The following ME1 variants were observed in gnomAD, a reference collection of about 807,000 sequenced individuals.
ME1 encodes the protein malic enzyme 1.
In ME1, 74 loss-of-function variants were observed where a neutral mutation model predicts 66.4. The ratio of observed to expected loss-of-function variants is 1.11; its 90% confidence interval spans 0.92 to 1.35. ME1 has a LOEUF of 1.35. ME1 is among the 40% of genes most tolerant of loss of function. ME1 has a pLI of 0.00. For synonymous variants in ME1, 251 were observed against 235.6 expected, an observed-to-expected ratio of 1.07 and a Z score of -0.60; for missense variants, 750 against 694.1, an observed-to-expected ratio of 1.08 and a Z score of -0.90.
intron 12 of ME1, among the ~76,000 whole-genome samples, chr6:83,222,174 T>C (rs574397976): frequency 1.6e-4 from 24 of 152,366 alleles, no homozygotes; most frequent in Admixed American, 3.3e-4. Flanking sequence ...TACATTTTCC[T>C]TAATGCAAAA....
At chr6:83,279,800 A>G (rs1767256354) in intron 6 of ME1, among the ~76,000 whole-genome samples, 1 of 152,192 alleles carries the variant, frequency 6.6e-6, no homozygotes, top group South Asian at 2.1e-4. Flanking sequence ...ATCATGCTGT[A>G]TAAATACCAA....
In ME1 at chr6:83,398,284, A is replaced by T. The variant is rs181349951; in HGVS notation, c.362+83T>A. On this transcript the variant is annotated intron_variant, in intron 3 of 13. Transcript: ENST00000369705. ...CAATTTTATTGTCAAATTTAAAATA[A>T]TAATAATAAATTTTAAATTCGTTAA... 9.6e-6 allele frequency: 9 copies of T among 935,682 alleles called. No individual in the cohort carries two copies. In the South Asian group the frequency reaches 1.7e-4, roughly 18 times the overall value. 58.0% of individuals were successfully genotyped at this position (935,682 alleles called of 1,614,324 possible). A position where few individuals can be genotyped will look rare whatever the true frequency, so the allele number is the denominator to read the frequency against.
chr6:83,376,145 T>A (rs542976692), intron 3 of ME1, among the ~76,000 whole-genome samples: 126 of 152,338 alleles, frequency 8.3e-4, no homozygotes, highest in African/African-American at 3.0e-3. Flanking sequence ...CTTGACATTA[T>A]GATTTTTATT....
Position 83,384,080 on chromosome 6 carries a change from C to T in ME1, c.362+14287G>A, listed in dbSNP as rs184452015. On this transcript the variant is annotated intron_variant, in intron 3 of 13. Coordinates refer to ENST00000369705, the MANE Select transcript of ME1 (RefSeq NM_002395.6). ...CTTTATCCAATCCACTGCTGGTGGG[C>T]ATCTAGGTTGATTCCATGTCTTTGC... 1.1e-4 allele frequency among the ~76,000 whole-genome samples: 16 copies of T among 151,960 alleles called. No individual in the cohort carries two copies. The East Asian group carries it at 2.7e-3, about 26-fold the overall frequency.
At chr6:83,255,679 TCTC>T (rs1766751895) in intron 6 of ME1, among the ~76,000 whole-genome samples, 1 of 152,206 alleles carries the variant, frequency 6.6e-6, no homozygotes, top group East Asian at 1.9e-4. Flanking sequence ...AGTCCATCCT[TCTC>T]CTCATCACCT....
intron 6 of ME1, among the ~76,000 whole-genome samples, chr6:83,264,703 G>C (rs1296889212): frequency 6.6e-6 from 1 of 152,198 alleles, no homozygotes; most frequent in Non-Finnish European, 1.5e-5. Flanking sequence ...ACTAGAATTA[G>C]AAGTGGAGCT....
At chr6:83,297,783 CCT>C (rs1377871595) in intron 6 of ME1, among the ~76,000 whole-genome samples, 4 of 152,106 alleles carry the variant, frequency 2.6e-5, no homozygotes, top group African/African-American at 7.2e-5. Context: ...TCTTCCCCTC[CCT>C]GTGTCCATGT....
chr6:83,238,655 C>G (rs1285892935), intron 8 of ME1, among the ~76,000 whole-genome samples: 1 of 151,888 alleles, frequency 6.6e-6, no homozygotes, highest in Non-Finnish European at 1.5e-5. Flanking sequence ...TGTATCGTGG[C>G]ATTTGAATTC....
chr6:83,248,559 C>A (rs1225625280), intron 7 of ME1, among the ~76,000 whole-genome samples: 4 of 152,082 alleles, frequency 2.6e-5, no homozygotes, highest in South Asian at 2.1e-4. Flanking sequence ...GAGGGAGGGA[C>A]CTGTAGTTCC....
intron 3 of ME1, among the ~76,000 whole-genome samples, chr6:83,357,902 CCTCTCTCTCTCTCT>C (rs1051682306): frequency 3.2e-5 from 1 of 31,562 alleles, no homozygotes; most frequent in Non-Finnish European, 5.3e-5. Flanking sequence ...AATAAACTCC[CCTCTCTCTCTCTCT>C]CTCTCTCTCT....
Position 83,239,541 on chromosome 6 carries a change from C to T in ME1, c.910G>A (p.Glu304Lys). The T allele has an allele frequency of 6.2e-7, 1 of 1,607,964 alleles. No individual in the cohort carries two copies. Among genetic ancestry groups the T allele is most frequent in the Non-Finnish European group, 8.5e-7 (1 of 1,174,752 alleles). ...DQTILFQGAG[E>K]AALGIAHLIV... ...TAAGTATTACACAAGGCAAATACCT[C>T]TCCAGCTCCTTGGAATAGTATTGTT... The change falls in exon 8 of 14, where the codon GAG (glutamate) becomes AAG (lysine). Residue 304 changes from glutamate to lysine, a missense_variant and splice_region_variant. Coordinates refer to ENST00000369705, the MANE Select transcript of ME1 (RefSeq NM_002395.6).
Position 83,318,064 on chromosome 6 carries a change from T to C in ME1, c.601-2651A>G, listed in dbSNP as rs1463930686. Among the ~76,000 whole-genome samples, 5 of 152,058 alleles carry C rather than the reference T, an allele frequency of 3.3e-5. No individual in the cohort carries two copies. In the South Asian group the frequency reaches 1.0e-3, roughly 31 times the overall value. ...CAAGAAATGGGGAAAGGATTCCCTA[T>C]TAAATAAATGGTGCTGGGAAAACTG... On this transcript the variant is annotated intron_variant, in intron 5 of 13. Transcript: ENST00000369705.
At chr6:83,367,615 C>T (rs1251320540) in intron 3 of ME1, among the ~76,000 whole-genome samples, 1 of 152,172 alleles carries the variant, frequency 6.6e-6, no homozygotes, top group Non-Finnish European at 1.5e-5. Flanking sequence ...TTTCCTTAAA[C>T]CTCATGAACC....
chr6:83,399,528 A>T (rs1024668008), intron 2 of ME1, among the ~76,000 whole-genome samples: 1 of 152,214 alleles, frequency 6.6e-6, no homozygotes, highest in Non-Finnish European at 1.5e-5. Context: ...GACATACAGG[A>T]AATAAGTAAG....
At position 83,228,832 on chromosome 6, in the gene ME1, G is replaced by C. The variant is rs1790246918; in HGVS notation, c.1126C>G (p.Leu376Val). 2 of 1,603,934 alleles carry C rather than the reference G, an allele frequency of 1.2e-6. No homozygotes were observed. Among genetic ancestry groups the C allele is most frequent in the Non-Finnish European group, 1.7e-6 (2 of 1,173,328 alleles). Residue 376 changes from leucine to valine, a missense_variant, in exon 10 of 14, where the codon CTC becomes GTC. Leu to Val is a conservative substitution (Grantham distance 32). Transcript: ENST00000369705. ...AIVQEIKPTA[L>V]IGVAAIGGAF... ...GAGAGGAGAAAATGCTTACCTATGA[G>C]GGCAGTTGGTTTTATTTCTTGAACA...
chr6:83,381,191 A>G (rs1448469818), intron 3 of ME1, among the ~76,000 whole-genome samples: 1 of 152,084 alleles, frequency 6.6e-6, no homozygotes, highest in Non-Finnish European at 1.5e-5. Context: ...CACATTAATA[A>G]TATTTTAATT....
intron 5 of ME1, among the ~76,000 whole-genome samples, chr6:83,322,297 G>A (rs1768195239): frequency 6.6e-6 from 1 of 152,158 alleles, no homozygotes; most frequent in African/African-American, 2.4e-5. Flanking sequence ...ACTGGATGGA[G>A]AATGAGTTTG....
chr6:83,236,554 G>A (rs1790406005), intron 9 of ME1, among the ~76,000 whole-genome samples: 1 of 152,104 alleles, frequency 6.6e-6, no homozygotes, highest in Admixed American at 6.5e-5. Flanking sequence ...ATATGCACAG[G>A]TGGCACAAGT....
chr6:83,411,686 T>C (rs963473482), intron 1 of ME1, among the ~76,000 whole-genome samples: 5 of 152,204 alleles, frequency 3.3e-5, no homozygotes, highest in Admixed American at 6.5e-5. Flanking sequence ...AAATTATACA[T>C]GCAGGTTCTA....
Sources: allele counts gnomAD v4.1 joint callset (sites outside exome capture counted in the v4.1 genomes callset), GRCh38; gene constraint gnomAD v4.1.1; transcripts MANE v1.5; gene names NCBI Gene and HGNC (gene_info 2026-07-23, HGNC 2026-07-21).